The following MMP26 variants were observed in gnomAD, a reference collection of about 807,000 sequenced individuals.
MMP26 encodes matrix metallopeptidase 26.
In MMP26, 33 loss-of-function variants were observed where a neutral mutation model predicts 31.0. The observed-to-expected ratio is 1.06, with a 90% CI of 0.81 to 1.42. MMP26 has a LOEUF of 1.42. Among genes scored for constraint, MMP26 ranks in the 40% most tolerant of loss-of-function variants. MMP26 has a pLI of 0.00. For synonymous variants in MMP26, 122 were observed against 114.9 expected, an observed-to-expected ratio of 1.06 and a Z score of -0.40; for missense variants, 347 against 316.1, an observed-to-expected ratio of 1.10 and a Z score of -0.74.
chr11:4,859,704 C>A (rs143719125), intron 2 of MMP26: 9 of 470,364 alleles, frequency 1.9e-5, no homozygotes, highest in Non-Finnish European at 4.0e-5. Flanking sequence ...TTAGCACAGG[C>A]GGGAGCAGTA....
chr11:4,766,746 C>T (rs1333000856), intron 1 of MMP26, among the ~76,000 whole-genome samples: 2 of 100,122 alleles, frequency 2.0e-5, no homozygotes, highest in Non-Finnish European at 3.8e-5. Context: ...CATCCTTTTT[C>T]TCTCTCCCTT....
At chr11:4,835,065 C>T (rs1411517800) in intron 2 of MMP26, among the ~76,000 whole-genome samples, 3 of 152,034 alleles carry the variant, frequency 2.0e-5, no homozygotes, top group Admixed American at 6.6e-5. Flanking sequence ...AAAGATCCCA[C>T]TACTCACAGT....
intron 2 of MMP26, chr11:4,859,918 G>A: frequency 2.1e-6 from 1 of 471,208 alleles, no homozygotes; most frequent in Non-Finnish European, 4.4e-6. Context: ...AGACAGTAGA[G>A]TGAGGAGAAC....
At chr11:4,902,052 T>A (rs1398948184) in intron 2 of MMP26, among the ~76,000 whole-genome samples, 2 of 152,200 alleles carry the variant, frequency 1.3e-5, no homozygotes, top group East Asian at 1.9e-4. Flanking sequence ...TTGGTTGAGA[T>A]TGGAGTCCAC....
rs1283758647 is a variant in MMP26, at chr11:4,947,312, A to G, written c.-144-40756A>G. ...ATAATCTGTCGTATAATACATTGGAAAAATTATTTCTGGACATGTTATTTC... is the reference window on the plus strand; with the variant it reads ...ATAATCTGTCGTATAATACATTGGAGAAATTATTTCTGGACATGTTATTTC... On this transcript the variant is annotated intron_variant, in intron 2 of 7. Transcript: ENST00000380390. 5 of 377,960 alleles carry G rather than the reference A, an allele frequency of 1.3e-5. 1 individual carries two copies. The highest frequency in any genetic ancestry group is 2.4e-5 in the Non-Finnish European group (5 of 208,274). 23.4% of individuals were successfully genotyped at this position (377,960 alleles called of 1,614,324 possible). A position where few individuals can be genotyped will look rare whatever the true frequency, so the allele number is the denominator to read the frequency against.
At chr11:4,923,334 T>C in intron 2 of MMP26, 1 of 1,516,018 alleles carries the variant, frequency 6.6e-7, no homozygotes, top group Non-Finnish European at 8.8e-7. Context: ...AACAGAAACC[T>C]GTGGGCTTTA....
chr11:4,877,893 A>C (rs1850405483), intron 2 of MMP26: 1 of 152,334 alleles, frequency 6.6e-6, no homozygotes, highest in African/African-American at 2.4e-5. Context: ...ACATTTATGT[A>C]TAATAAAATT....
intron 1 of MMP26, among the ~76,000 whole-genome samples, chr11:4,742,375 A>G (rs1848326311): frequency 6.6e-6 from 1 of 152,222 alleles, no homozygotes; most frequent in Admixed American, 6.5e-5. Context: ...AATGGTTTCC[A>G]GCAAATAATG....
At chr11:4,751,371 T>C (rs141297092) in intron 1 of MMP26, among the ~76,000 whole-genome samples, 65 of 152,242 alleles carry the variant, frequency 4.3e-4, no homozygotes, top group African/African-American at 1.5e-3. Flanking sequence ...ATGAAAATTA[T>C]GAGGAGAGAA....
chr11:4,858,983 A>G (rs957753873), intron 2 of MMP26, among the ~76,000 whole-genome samples: 1 of 152,210 alleles, frequency 6.6e-6, no homozygotes, highest in African/African-American at 2.4e-5. Context: ...AAGATTCCCT[A>G]TTTAATAAAT....
chr11:4,878,492 G>C (rs1015932197), intron 2 of MMP26, among the ~76,000 whole-genome samples: 1 of 152,066 alleles, frequency 6.6e-6, no homozygotes, highest in Non-Finnish European at 1.5e-5. Context: ...GGAAAAATAA[G>C]AAATTTCATA....
chr11:4,735,259 A>G (rs990466506), intron 1 of MMP26, among the ~76,000 whole-genome samples: 3 of 152,308 alleles, frequency 2.0e-5, no homozygotes, highest in African/African-American at 7.2e-5. Context: ...TTCATTGACT[A>G]TATGCCCTTA....
intron 2 of MMP26, chr11:4,914,526 C>T: frequency 5.9e-6 from 3 of 508,926 alleles, no homozygotes; most frequent in Non-Finnish European, 1.0e-5. Context: ...TAAAATTTAC[C>T]ACATCATATT....
intron 2 of MMP26, among the ~76,000 whole-genome samples, chr11:4,893,894 A>T (rs757930515): frequency 6.6e-6 from 1 of 152,014 alleles, no homozygotes; most frequent in Non-Finnish European, 1.5e-5. Flanking sequence ...GAGTCCAGGG[A>T]TTTGAGACTA....
chr11:4,744,432 C>T (rs961404989), intron 1 of MMP26, among the ~76,000 whole-genome samples: 2 of 152,164 alleles, frequency 1.3e-5, no homozygotes, highest in African/African-American at 4.8e-5. Context: ...AGACAATTCT[C>T]TTCCTGCAAA....
At chr11:4,876,637 C>T (rs938593859) in intron 2 of MMP26, 4 of 152,272 alleles carry the variant, frequency 2.6e-5, no homozygotes, top group African/African-American at 9.6e-5. Context: ...CAGAGAAAGA[C>T]TTATGGATGG....
intron 2 of MMP26, among the ~76,000 whole-genome samples, chr11:4,782,095 T>A (rs1033898211): frequency 7.2e-5 from 11 of 152,208 alleles, no homozygotes; most frequent in Non-Finnish European, 1.2e-4. Context: ...AGCAGGACAC[T>A]GCTGAAAAGA....
intron 1 of MMP26, among the ~76,000 whole-genome samples, chr11:4,740,313 A>T (rs1254449560): frequency 1.3e-5 from 2 of 152,202 alleles, no homozygotes; most frequent in East Asian, 3.8e-4. Flanking sequence ...TTTAAATAAA[A>T]TAAATGACCA....
chr11:4,909,434 C>T (rs1308208502), intron 2 of MMP26: 2 of 152,002 alleles, frequency 1.3e-5, no homozygotes, highest in African/African-American at 4.8e-5. Flanking sequence ...TGAATTTTGT[C>T]TTGAGGATTT....
Sources: allele counts gnomAD v4.1 joint callset (sites outside exome capture counted in the v4.1 genomes callset), GRCh38; gene constraint gnomAD v4.1.1; transcripts MANE v1.5; gene names NCBI Gene and HGNC (gene_info 2026-07-23, HGNC 2026-07-21).